The following ZFAND6 variants were observed in gnomAD, a reference collection of about 807,000 sequenced individuals.
ZFAND6 encodes AN1-type zinc finger protein 6.
ZFAND6 carries 12 observed loss-of-function variants against 24.5 expected under a neutral mutation model. That is an observed-to-expected ratio of 0.49 (90% CI 0.31 to 0.79). The LOEUF (loss-of-function observed/expected upper bound fraction) is 0.79. ZFAND6 is among the 30% of genes least tolerant of loss of function. ZFAND6 has a pLI of 0.04. For synonymous variants in ZFAND6, 92 were observed against 81.5 expected (o/e 1.13, Z -0.69); for missense variants, 207 against 245.9 (o/e 0.84, Z 1.06).
intron 5 of ZFAND6, among the ~76,000 whole-genome samples, chr15:80,123,391 A>G (rs1380671762): frequency 2.0e-5 from 3 of 152,178 alleles, no homozygotes; most frequent in Non-Finnish European, 4.4e-5. Flanking sequence ...GGAGTAGGCC[A>G]TTTTGGAGGC....
At chr15:80,110,337 T>C (rs1410391473) in intron 2 of ZFAND6, among the ~76,000 whole-genome samples, 1 of 152,106 alleles carries the variant, frequency 6.6e-6, no homozygotes, top group Non-Finnish European at 1.5e-5. Context: ...TTATAGTAGA[T>C]TTTAAACAAA....
chr15:80,078,030 T>C (rs1338371707), intron 1 of ZFAND6, among the ~76,000 whole-genome samples: 1 of 152,176 alleles, frequency 6.6e-6, no homozygotes, highest in Non-Finnish European at 1.5e-5. Flanking sequence ...TTATTTACTA[T>C]CCATAATAGT....
At chr15:80,069,270 T>A (rs1030505618) in intron 1 of ZFAND6, among the ~76,000 whole-genome samples, 1 of 152,230 alleles carries the variant, frequency 6.6e-6, no homozygotes, top group African/African-American at 2.4e-5. Context: ...AATAGTTGAG[T>A]ATTATAAATG....
intron 1 of ZFAND6, among the ~76,000 whole-genome samples, chr15:80,077,693 C>CTTTTTTT (rs2037364502): frequency 9.8e-6 from 1 of 101,894 alleles, no homozygotes; most frequent in African/African-American, 3.4e-5. Context: ...AGTGAGTTTT[C>CTTTTTTT]TTTCTTTTTT....
intron 1 of ZFAND6, among the ~76,000 whole-genome samples, chr15:80,066,462 G>A (rs913951722): frequency 1.1e-4 from 17 of 151,854 alleles, no homozygotes; most frequent in African/African-American, 4.1e-4. Context: ...ACAGGCATGC[G>A]CCACCATGCC....
At chr15:80,069,091 G>A (rs567398586) in intron 1 of ZFAND6, among the ~76,000 whole-genome samples, 78 of 152,278 alleles carry the variant, frequency 5.1e-4, no homozygotes, top group South Asian at 8.3e-4. Context: ...ATGAGTCTTC[G>A]TCTTTTATGT....
At chr15:80,067,270 C>T (rs1472943899) in intron 1 of ZFAND6, among the ~76,000 whole-genome samples, 1 of 152,180 alleles carries the variant, frequency 6.6e-6, no homozygotes, top group African/African-American at 2.4e-5. Context: ...AATCAGTCTC[C>T]TACAAATAGC....
At chr15:80,131,414 T>C in intron 6 of ZFAND6, 121 bp downstream of exon 6, 1 of 722,742 alleles carries the variant, frequency 1.4e-6, no homozygotes, top group Non-Finnish European at 2.1e-6. Context: ...TGGATATACT[T>C]CACCTTCTGA....
chr15:80,065,372 C>CA (rs764333783), intron 1 of ZFAND6, among the ~76,000 whole-genome samples: 1 of 151,518 alleles, frequency 6.6e-6, no homozygotes, highest in Non-Finnish European at 1.5e-5. Flanking sequence ...GATTTGGTAC[C>CA]AGTGTACACT....
At chr15:80,123,839 C>G (rs1016758606) in intron 5 of ZFAND6, among the ~76,000 whole-genome samples, 1 of 152,226 alleles carries the variant, frequency 6.6e-6, no homozygotes, top group South Asian at 2.1e-4. Context: ...TGCCACTGCA[C>G]TCCAGCCTGG....
intron 5 of ZFAND6, among the ~76,000 whole-genome samples, chr15:80,127,362 C>T (rs550359897): frequency 6.6e-5 from 10 of 151,842 alleles, no homozygotes; most frequent in East Asian, 1.9e-4. Context: ...CTGAGGCGGG[C>T]GGATCACCTT....
intron 1 of ZFAND6, among the ~76,000 whole-genome samples, chr15:80,074,334 G>T (rs1227822755): frequency 2.0e-5 from 3 of 151,902 alleles, no homozygotes; most frequent in Admixed American, 1.3e-4. Flanking sequence ...TAAGTATGGG[G>T]CTTAATGTTT....
intron 1 of ZFAND6, among the ~76,000 whole-genome samples, chr15:80,079,896 C>G (rs1165317614): frequency 1.3e-5 from 2 of 152,046 alleles, no homozygotes; most frequent in East Asian, 3.9e-4. Flanking sequence ...TGTGATCCAC[C>G]TGCCTCGGCC....
intron 1 of ZFAND6, among the ~76,000 whole-genome samples, chr15:80,083,325 G>A (rs1174408096): frequency 1.3e-5 from 2 of 152,142 alleles, no homozygotes; most frequent in African/African-American, 4.8e-5. Flanking sequence ...CCAGCCCTGT[G>A]AATTGGTGGT....
chr15:80,071,358 T>C (rs866685973), intron 1 of ZFAND6, among the ~76,000 whole-genome samples: 12 of 152,202 alleles, frequency 7.9e-5, no homozygotes, highest in African/African-American at 2.4e-4. Context: ...TCTAATAAGC[T>C]TTAATTTCGA....
At chr15:80,065,001 C>CTTTTTT (rs1567046368) in intron 1 of ZFAND6, among the ~76,000 whole-genome samples, 1 of 133,554 alleles carries the variant, frequency 7.5e-6, no homozygotes. Flanking sequence ...TCTCTCTCCC[C>CTTTTTT]CTTTTTTTTT....
intron 2 of ZFAND6, among the ~76,000 whole-genome samples, chr15:80,106,935 G>A (rs111569749): frequency 2.8e-3 from 421 of 152,260 alleles, no homozygotes; most frequent in African/African-American, 9.3e-3. Flanking sequence ...TAAAAGGGCC[G>A]GGCGCAGTGG....
At chr15:80,123,922 TC>T (rs1397719481) in intron 5 of ZFAND6, among the ~76,000 whole-genome samples, 1 of 152,180 alleles carries the variant, frequency 6.6e-6, no homozygotes, top group Non-Finnish European at 1.5e-5. Context: ...GCTAGGTAGT[TC>T]CTCTTGCTTT....
At chr15:80,130,826 C>G (rs1009761063) in intron 5 of ZFAND6, 2 of 194,876 alleles carry the variant, frequency 1.0e-5, no homozygotes, top group African/African-American at 4.6e-5. Flanking sequence ...ATGCATATGG[C>G]TATTGTCTTG....
Sources: gnomAD v4.1 joint callset for allele counts (sites outside exome capture counted in the v4.1 genomes callset) on GRCh38, gnomAD v4.1.1 for gene constraint, MANE v1.5 for transcripts, NCBI Gene and HGNC (gene_info 2026-07-23, HGNC 2026-07-21) for gene names.